The following DLC1 variants were observed in gnomAD, a reference collection of about 807,000 sequenced individuals.
The protein encoded by DLC1 is DLC1 Rho GTPase activating protein.
In DLC1, 54 loss-of-function variants were observed where a neutral mutation model predicts 140.3. That is an observed-to-expected ratio of 0.38 (90% CI 0.31 to 0.48). The LOEUF is 0.48. Ranked by LOEUF, DLC1 falls within the 20% of genes least tolerant of loss-of-function variation. The pLI, the probability that DLC1 is intolerant of heterozygous loss-of-function variation, is 0.96. For synonymous variants in DLC1, 986 were observed against 728.1 expected (o/e 1.35, Z -5.70); for missense variants, 2,536 against 1,907.0 (o/e 1.33, Z -6.14).
chr8:13,242,663 G>A (rs13267295), intron 5 of DLC1, among the ~76,000 whole-genome samples: 2 of 152,066 alleles, frequency 1.3e-5, no homozygotes, highest in Admixed American at 1.3e-4. Context: ...AAAGTGCTGC[G>A]ATTACAGGTG....
intron 1 of DLC1, among the ~76,000 whole-genome samples, chr8:13,513,875 T>C (rs548930469): frequency 3.9e-5 from 6 of 152,258 alleles, no homozygotes; most frequent in African/African-American, 1.4e-4. Context: ...GTCATTGAGA[T>C]TGACTTCAGT....
intron 4 of DLC1, among the ~76,000 whole-genome samples, chr8:13,314,815 C>G (rs1447849315): frequency 1.3e-5 from 2 of 151,764 alleles, no homozygotes; most frequent in African/African-American, 4.9e-5. Flanking sequence ...GGAATTTATC[C>G]TTATCAAATG....
At chr8:13,374,512 C>T (rs1021127436) in intron 4 of DLC1, among the ~76,000 whole-genome samples, 1 of 152,158 alleles carries the variant, frequency 6.6e-6, no homozygotes, top group Admixed American at 6.5e-5. Flanking sequence ...AGGCCGGGTA[C>T]AGTGGCTCAT....
At chr8:13,601,760 T>C (rs1805894649) in intron 1 of DLC1, among the ~76,000 whole-genome samples, 1 of 151,828 alleles carries the variant, frequency 6.6e-6, no homozygotes, top group Non-Finnish European at 1.5e-5. Context: ...TAATTTTTAC[T>C]ATATATAATT....
At chr8:13,097,249 TTTATTATTA>T (rs149250885) in intron 10 of DLC1, among the ~76,000 whole-genome samples, 1 of 147,006 alleles carries the variant, frequency 6.8e-6, no homozygotes, top group Admixed American at 6.9e-5. Context: ...CACATCCAAA[TTTATTATTA>T]TTATTATTAT....
At position 13,499,489 on chromosome 8, in the gene DLC1, T is replaced by A. The variant is rs370529997; in HGVS notation, c.583A>T (p.Asn195Tyr). The change falls in exon 2 of 18, where the codon AAT becomes TAT. Residue 195 changes from asparagine (N) to tyrosine (Y), a missense_variant. Asn to Tyr is a moderately radical substitution (Grantham distance 143, BLOSUM62 -2). Transcript: ENST00000276297. ...TTTATTTCACTTAAGCTTATTTCAT[T>A]GCAAAGCTCCAGGCTTTTACTTATA... ...DSISKSLELC[N>Y]EISLSEIKDA... 28 of 1,614,186 alleles carry A rather than the reference T, an allele frequency of 1.7e-5. No homozygotes were observed. In the East Asian group the frequency reaches 5.8e-4, roughly 33 times the overall value.
chr8:13,329,519 A>G (rs1352619472), intron 4 of DLC1, among the ~76,000 whole-genome samples: 2 of 152,174 alleles, frequency 1.3e-5, no homozygotes, highest in South Asian at 2.1e-4. Context: ...CCTCCTTCCC[A>G]TCACAACTAC....
chr8:13,191,833 C>T (rs530977637), intron 5 of DLC1, among the ~76,000 whole-genome samples: 72 of 152,186 alleles, frequency 4.7e-4, no homozygotes, highest in African/African-American at 1.5e-3. Context: ...TTGGGCAGTA[C>T]TAACTCTGTA....
chr8:13,143,442 AG>A (rs1303623658), intron 5 of DLC1, among the ~76,000 whole-genome samples: 1 of 152,146 alleles, frequency 6.6e-6, no homozygotes, highest in Non-Finnish European at 1.5e-5. Context: ...AGGTTAGAAA[AG>A]GTCAGGTAAC....
At chr8:13,308,728 C>T (rs946037514) in intron 4 of DLC1, among the ~76,000 whole-genome samples, 1 of 152,132 alleles carries the variant, frequency 6.6e-6, no homozygotes, top group Admixed American at 6.5e-5. Flanking sequence ...TGATTAGTCA[C>T]ATCACTGGTG....
chr8:13,236,134 A>G (rs1452137792), intron 5 of DLC1, among the ~76,000 whole-genome samples: 1 of 152,084 alleles, frequency 6.6e-6, no homozygotes, highest in Non-Finnish European at 1.5e-5. Context: ...TTAAAAGAAT[A>G]CTGAAGGTAG....
intron 5 of DLC1, among the ~76,000 whole-genome samples, chr8:13,146,270 A>G (rs1239608140): frequency 1.9e-5 from 2 of 105,730 alleles, no homozygotes; most frequent in East Asian, 6.1e-4. Context: ...GCAAGACTCC[A>G]TCTCAAAAAA....
chr8:13,511,897 A>G (rs1329659416), intron 1 of DLC1, among the ~76,000 whole-genome samples: 1 of 152,148 alleles, frequency 6.6e-6, no homozygotes, highest in Admixed American at 6.5e-5. Context: ...CAAATGATCA[A>G]TTTTTGACCT....
chr8:13,348,138 C>G (rs774361338), intron 4 of DLC1, among the ~76,000 whole-genome samples: 6 of 151,736 alleles, frequency 4.0e-5, no homozygotes, highest in East Asian at 1.9e-4. Flanking sequence ...GGAGAAGATA[C>G]CAGATACCAC....
chr8:13,105,503 C>CG (rs1819487552), intron 7 of DLC1, among the ~76,000 whole-genome samples: 1 of 151,898 alleles, frequency 6.6e-6, no homozygotes, highest in Non-Finnish European at 1.5e-5. Context: ...AAATGGGGCT[C>CG]AGGGAGGTCA....
At chr8:13,177,403 GGAAC>G (rs1825811242) in intron 5 of DLC1, among the ~76,000 whole-genome samples, 1 of 151,990 alleles carries the variant, frequency 6.6e-6, no homozygotes, top group African/African-American at 2.4e-5. Context: ...TGTAATTCCA[GGAAC>G]TATAGAGAAC....
intron 5 of DLC1, chr8:13,132,921 G>A (rs773097875): frequency 8.8e-6 from 14 of 1,591,888 alleles, no homozygotes; most frequent in Non-Finnish European, 1.2e-5. Context: ...CCAGCCCGAC[G>A]GCAAGACGCA....
At chr8:13,477,995 G>T (rs1348772627) in intron 2 of DLC1, among the ~76,000 whole-genome samples, 1 of 152,142 alleles carries the variant, frequency 6.6e-6, no homozygotes, top group Non-Finnish European at 1.5e-5. Flanking sequence ...TATTACATTT[G>T]TAAAACATGA....
intron 5 of DLC1, among the ~76,000 whole-genome samples, chr8:13,189,830 C>T (rs1197925642): frequency 6.6e-6 from 1 of 151,752 alleles, no homozygotes; most frequent in Non-Finnish European, 1.5e-5. Flanking sequence ...TGCGGTGAGC[C>T]AAGATCGCGC....
Sources: gnomAD v4.1 joint callset for allele counts (sites outside exome capture counted in the v4.1 genomes callset) on GRCh38, gnomAD v4.1.1 for gene constraint, MANE v1.5 for transcripts, NCBI Gene and HGNC (gene_info 2026-07-23, HGNC 2026-07-21) for gene names.